SAMD12: variants seen among roughly 807,000 people sequenced by gnomAD.
SAMD12 encodes the protein sterile alpha motif domain containing 12.
A neutral mutation model predicts 15.0 loss-of-function variants in SAMD12; 9 were observed. The observed-to-expected ratio is 0.60, with a 90% CI of 0.36 to 1.05. SAMD12 has a LOEUF of 1.05. Ranked by LOEUF, SAMD12 falls within the 50% of genes least tolerant of loss-of-function variation. The pLI is 0.01. For synonymous variants in SAMD12, 86 were observed against 90.1 expected (o/e 0.96, Z 0.25); for missense variants, 230 against 234.2 (o/e 0.98, Z 0.12).
intron 4 of SAMD12, among the ~76,000 whole-genome samples, chr8:118,273,021 T>C (rs1813403193): frequency 6.6e-6 from 1 of 152,156 alleles, no homozygotes; most frequent in Non-Finnish European, 1.5e-5. Flanking sequence ...CAAGTATCCT[T>C]ATAGCGGCAC....
At chr8:118,333,839 G>C (rs982011068) in intron 4 of SAMD12, among the ~76,000 whole-genome samples, 1 of 150,770 alleles carries the variant, frequency 6.6e-6, no homozygotes, top group Non-Finnish European at 1.5e-5. Context: ...GTGTGTGCCC[G>C]TTGGCGGGGG....
In SAMD12 at chr8:118,429,616, G is replaced by A. The variant is rs530439281; in HGVS notation, c.322+10216C>T. Reference sequence around the variant, plus strand: ...AATATTTAATAGAAGGTAAGTAGCCGGGTGTGGTGGCTCATGCCTGTAATC... The same window carrying A: ...AATATTTAATAGAAGGTAAGTAGCCAGGTGTGGTGGCTCATGCCTGTAATC... On this transcript the variant is annotated intron_variant, in intron 3 of 3. Transcript: ENST00000314727. 3.1e-4 allele frequency among the ~76,000 whole-genome samples: 47 copies of A among 152,190 alleles called. 1 individual carries two copies. The South Asian group carries it at 3.5e-3, about 11-fold the overall frequency.
the SAMD12 span, among the ~76,000 whole-genome samples, chr8:118,167,140 G>A: frequency 6.6e-6 from 1 of 152,148 alleles, no homozygotes; most frequent in South Asian, 2.1e-4. Flanking sequence ...TGCAAGTGGT[G>A]TTTCCTCTCA....
chr8:118,434,935 C>G (rs1274159900), intron 3 of SAMD12, among the ~76,000 whole-genome samples: 1 of 65,526 alleles, frequency 1.5e-5, no homozygotes, highest in Non-Finnish European at 3.8e-5. Context: ...AACCCCGTCT[C>G]TACTAAAAAT....
chr8:118,287,237 G>A (rs1013727491), intron 4 of SAMD12, among the ~76,000 whole-genome samples: 1 of 150,388 alleles, frequency 6.6e-6, no homozygotes, highest in Non-Finnish European at 1.5e-5. Context: ...CCATTCTCCT[G>A]CCTCAGCCTT....
intron 2 of SAMD12, among the ~76,000 whole-genome samples, chr8:118,564,245 C>T (rs909858669): frequency 3.3e-5 from 5 of 150,772 alleles, no homozygotes; most frequent in Admixed American, 6.6e-5. Flanking sequence ...ACACTAATGG[C>T]GCTGGTAAAA....
intron 3 of SAMD12, among the ~76,000 whole-genome samples, chr8:118,418,668 G>T (rs988650795): frequency 6.6e-6 from 1 of 151,466 alleles, no homozygotes. Context: ...GCAGTGAGCC[G>T]AGATTGCGCC....
intron 2 of SAMD12, among the ~76,000 whole-genome samples, chr8:118,497,839 G>A (rs1474824302): frequency 6.6e-6 from 1 of 151,604 alleles, no homozygotes; most frequent in African/African-American, 2.4e-5. Context: ...GGATTTAGAA[G>A]TTTTCAGACA....
chr8:118,324,766 C>T (rs1408432005), intron 4 of SAMD12, among the ~76,000 whole-genome samples: 5 of 152,056 alleles, frequency 3.3e-5, no homozygotes, highest in East Asian at 1.9e-4. Context: ...TTCATGGGAC[C>T]GCAAGTGATT....
intron 2 of SAMD12, among the ~76,000 whole-genome samples, chr8:118,493,625 A>G (rs764001172): frequency 7.9e-5 from 12 of 152,326 alleles, no homozygotes; most frequent in Middle Eastern, 3.4e-3. Context: ...TGCATGTCCA[A>G]TGTGATTGTA....
At chr8:118,247,858 G>T (rs1371679797) in intron 4 of SAMD12, among the ~76,000 whole-genome samples, 1 of 152,104 alleles carries the variant, frequency 6.6e-6, no homozygotes, top group East Asian at 1.9e-4. Flanking sequence ...CTCCCAAAGT[G>T]CTGGGATTAA....
chr8:118,181,936 T>A, the SAMD12 span, among the ~76,000 whole-genome samples: 6 of 152,246 alleles, frequency 3.9e-5, no homozygotes, highest in African/African-American at 1.4e-4. Flanking sequence ...AGTATTTTGC[T>A]TATTCCTTAT....
At chr8:118,327,672 T>C (rs1816628905) in intron 4 of SAMD12, among the ~76,000 whole-genome samples, 1 of 152,168 alleles carries the variant, frequency 6.6e-6, no homozygotes, top group Admixed American at 6.5e-5. Context: ...AATAATAAAA[T>C]GTTGATTTAA....
chr8:118,239,348 C>T (rs2450218), intron 4 of SAMD12, among the ~76,000 whole-genome samples: 19,699 of 151,916 alleles, frequency 0.13, 1,829 homozygotes, highest in East Asian at 0.48. Flanking sequence ...ATCTAATGAA[C>T]GATAAGATTT....
At position 118,256,378 on chromosome 8, in the gene SAMD12, C is replaced by G. The variant is rs181678695; in HGVS notation, c.434-58646G>C. On this transcript the variant is annotated intron_variant, in intron 4 of 4. Transcript: ENST00000409003. ...GTTTTAATGACTCCTTTTCACACTGCTGTGAGAACATATTTCCTCATTGAA... is the reference window on the plus strand; with the variant it reads ...GTTTTAATGACTCCTTTTCACACTGGTGTGAGAACATATTTCCTCATTGAA... 5.1e-3 allele frequency among the ~76,000 whole-genome samples: 778 copies of G among 152,210 alleles called. 6 individuals are homozygous for G. The highest frequency in any genetic ancestry group is 0.012 in the Admixed American group (177 of 15,270).
chr8:118,261,485 C>T (rs1813075951), intron 4 of SAMD12, among the ~76,000 whole-genome samples: 1 of 152,058 alleles, frequency 6.6e-6, no homozygotes, highest in South Asian at 2.1e-4. Flanking sequence ...AGTTTCCACC[C>T]AAATTGAATA....
intron 3 of SAMD12, among the ~76,000 whole-genome samples, chr8:118,384,965 C>A (rs1423279674): frequency 6.6e-6 from 1 of 152,058 alleles, no homozygotes; most frequent in African/African-American, 2.4e-5. Context: ...CTTGTAGAGG[C>A]TCGGGCCAGG....
chr8:118,300,310 C>T (rs1208112063), intron 4 of SAMD12, among the ~76,000 whole-genome samples: 4 of 152,182 alleles, frequency 2.6e-5, no homozygotes, highest in African/African-American at 9.7e-5. Context: ...CCCTATTCCT[C>T]CCTTCTTTTA....
intron 2 of SAMD12, among the ~76,000 whole-genome samples, chr8:118,507,991 C>CTTTTTTTTTTTTT (rs11384671): frequency 9.2e-6 from 1 of 108,818 alleles, no homozygotes; most frequent in Non-Finnish European, 1.8e-5. Context: ...GTATAATCTC[C>CTTTTTTTTTTTTT]TTTTTTTTTT....
Sources: allele counts gnomAD v4.1 joint callset (sites outside exome capture counted in the v4.1 genomes callset), GRCh38; gene constraint gnomAD v4.1.1; transcripts MANE v1.5; gene names NCBI Gene and HGNC (gene_info 2026-07-23, HGNC 2026-07-21).